Variants in MTCL3 observed in about 807,000 individuals in gnomAD.
MTCL3 encodes the protein microtubule cross-linking factor 3.
the MTCL3 span, among the ~76,000 whole-genome samples, chr6:127,496,977 T>C: frequency 3.9e-5 from 6 of 152,186 alleles, no homozygotes; most frequent in East Asian, 5.8e-4. Flanking sequence ...AATTCATAGA[T>C]AAAAGAAGTA....
chr6:127,494,711 A>AT, the MTCL3 span, among the ~76,000 whole-genome samples: 1 of 152,198 alleles, frequency 6.6e-6, no homozygotes. Flanking sequence ...GGTATGGGTT[A>AT]TTAGAGGGTC....
the MTCL3 span, among the ~76,000 whole-genome samples, chr6:127,492,820 C>T: frequency 6.6e-6 from 1 of 152,156 alleles, no homozygotes; most frequent in East Asian, 1.9e-4. Flanking sequence ...CCAGGCCCAG[C>T]CCCCAGAAAA....
the MTCL3 span, chr6:127,512,776 T>C: frequency 1.5e-5 from 14 of 921,988 alleles, no homozygotes; most frequent in Non-Finnish European, 2.1e-5. Context: ...TGGGTAAGAG[T>C]AAAAAATTGT....
chr6:127,496,753 A>G, the MTCL3 span, among the ~76,000 whole-genome samples: 1 of 152,246 alleles, frequency 6.6e-6, no homozygotes, highest in Non-Finnish European at 1.5e-5. Context: ...AAAAGGAATG[A>G]ACTATGGATA....
chr6:127,473,371 TA>T, the MTCL3 span: 2 of 1,539,462 alleles, frequency 1.3e-6, no homozygotes, highest in South Asian at 1.3e-5. Context: ...TGAGAATAAG[TA>T]AAATGATAGG....
chr6:127,508,308 A>C, the MTCL3 span, among the ~76,000 whole-genome samples: 1 of 152,218 alleles, frequency 6.6e-6, no homozygotes, highest in African/African-American at 2.4e-5. Context: ...AATTGTAAAT[A>C]TATAGTACAG....
chr6:127,474,063 G>A, the MTCL3 span, among the ~76,000 whole-genome samples: 5 of 151,804 alleles, frequency 3.3e-5, no homozygotes, highest in Non-Finnish European at 5.9e-5. Flanking sequence ...TCAAGCTACC[G>A]TATAGACTCC....
At chr6:127,489,060 C>T in the MTCL3 span, among the ~76,000 whole-genome samples, 546 of 152,236 alleles carry the variant, frequency 3.6e-3, 2 homozygotes, top group Non-Finnish European at 4.3e-3. Flanking sequence ...CAGGTCTATT[C>T]GTGCAATTTT....
the MTCL3 span, among the ~76,000 whole-genome samples, chr6:127,506,473 C>T: frequency 6.6e-6 from 1 of 152,170 alleles, no homozygotes; most frequent in Non-Finnish European, 1.5e-5. Context: ...ATGTACATCC[C>T]TTGGATTAAG....
chr6:127,490,815 TCAAACAAA>T, the MTCL3 span, among the ~76,000 whole-genome samples: 1 of 152,016 alleles, frequency 6.6e-6, no homozygotes, highest in South Asian at 2.1e-4. Flanking sequence ...AGACTCCATC[TCAAACAAA>T]CAAACAAACA....
the MTCL3 span, among the ~76,000 whole-genome samples, chr6:127,501,152 A>G: frequency 1.1e-4 from 17 of 152,232 alleles, no homozygotes; most frequent in Non-Finnish European, 2.2e-4. Flanking sequence ...GGCAATTGGG[A>G]AAACTGAGAA....
the MTCL3 span, among the ~76,000 whole-genome samples, chr6:127,484,967 T>C: frequency 1.3e-5 from 2 of 152,212 alleles, no homozygotes; most frequent in Non-Finnish European, 2.9e-5. Flanking sequence ...CCCAGAAAGC[T>C]GTTGGAAAAG....
the MTCL3 span, among the ~76,000 whole-genome samples, chr6:127,500,025 C>G: frequency 1.3e-5 from 2 of 152,230 alleles, no homozygotes; most frequent in South Asian, 4.2e-4. Flanking sequence ...GTGATGGTTT[C>G]CAAGAGTAGC....
the MTCL3 span, among the ~76,000 whole-genome samples, chr6:127,507,901 CT>C: frequency 6.8e-6 from 1 of 147,498 alleles, no homozygotes; most frequent in Non-Finnish European, 1.5e-5. Context: ...CACATGGCAA[CT>C]TCCTGGAAGA....
chr6:127,475,142 C>A, the MTCL3 span: 1 of 710,350 alleles, frequency 1.4e-6, no homozygotes, highest in Non-Finnish European at 2.2e-6. This position sits in a 1 kb window ranked among gnomAD's most constrained non-coding sequence, Gnocchi z 7.3. Context: ...ACTGGTGGGC[C>A]GAGGCCGGGG....
chr6:127,512,582 C>T, the MTCL3 span, among the ~76,000 whole-genome samples: 9 of 152,114 alleles, frequency 5.9e-5, no homozygotes, highest in African/African-American at 1.2e-4. Flanking sequence ...TTCCTTCACA[C>T]GCTTGACACT....
the MTCL3 span, chr6:127,516,372 C>T: frequency 6.2e-7 from 1 of 1,600,688 alleles, no homozygotes; most frequent in Non-Finnish European, 8.5e-7. Flanking sequence ...TCTTGTTACC[C>T]TGCTGTTGCT....
the MTCL3 span, chr6:127,513,193 T>G: frequency 1.4e-6 from 1 of 736,074 alleles, no homozygotes; most frequent in South Asian, 2.1e-5. Context: ...AGTATACATA[T>G]AAGCCATTCA....
At chr6:127,504,382 G>A in the MTCL3 span, among the ~76,000 whole-genome samples, 1 of 152,138 alleles carries the variant, frequency 6.6e-6, no homozygotes, top group East Asian at 1.9e-4. Flanking sequence ...GACATTATCT[G>A]TTATTCCTTA....
Sources: allele counts gnomAD v4.1 joint callset (sites outside exome capture counted in the v4.1 genomes callset), GRCh38; gene constraint gnomAD v4.1.1; non-coding constraint Gnocchi (gnomAD v3.1); transcripts MANE v1.5; gene names NCBI Gene and HGNC (gene_info 2026-07-23, HGNC 2026-07-21).